ACTN4: variants seen among roughly 807,000 people sequenced by gnomAD.
ACTN4 encodes the protein actinin alpha 4.
Under a neutral mutation model 114.2 loss-of-function variants are expected in ACTN4, and 18 were observed. The ratio of observed to expected loss-of-function variants is 0.16; its 90% CI spans 0.11 to 0.23. The LOEUF (loss-of-function observed/expected upper bound fraction) is 0.23, where lower values mean the gene tolerates loss of function less well. Ranked by LOEUF, ACTN4 falls within the 10% of genes least tolerant of loss-of-function variation. The pLI, the probability that ACTN4 is intolerant of heterozygous loss-of-function variation, is 1.00. For synonymous variants in ACTN4, 515 were observed against 506.3 expected (o/e 1.02, Z -0.23); for missense variants, 722 against 1,262.9 (o/e 0.57, Z 6.49).
At chr19:38,664,697 G>A (rs188534522) in intron 1 of ACTN4, among the ~76,000 whole-genome samples, 176 of 152,252 alleles carry the variant, frequency 1.2e-3, no homozygotes, top group African/African-American at 4.0e-3. Context: ...AGAGGGCTGG[G>A]GGATATTAGC....
intron 12 of ACTN4, among the ~76,000 whole-genome samples, chr19:38,722,705 G>C (rs1011168713): frequency 3.3e-5 from 5 of 152,360 alleles, no homozygotes; most frequent in African/African-American, 9.6e-5. Flanking sequence ...AGCACCCTCG[G>C]GGGTGTGGGG....
chr19:38,681,612 C>T (rs1365160508), intron 1 of ACTN4, among the ~76,000 whole-genome samples: 1 of 152,208 alleles, frequency 6.6e-6, no homozygotes, highest in African/African-American at 2.4e-5. Flanking sequence ...TTTCAAGGCC[C>T]AGATCAGGTG....
At chr19:38,704,517 G>T (rs1968388166) in intron 3 of ACTN4, among the ~76,000 whole-genome samples, 2 of 152,268 alleles carry the variant, frequency 1.3e-5, no homozygotes, top group African/African-American at 2.4e-5. Flanking sequence ...TGCCCTGAGA[G>T]TGGGGGCCCG....
intron 1 of ACTN4, among the ~76,000 whole-genome samples, chr19:38,673,461 A>G (rs1433671390): frequency 1.2e-5 from 1 of 81,658 alleles, no homozygotes; most frequent in Non-Finnish European, 2.7e-5. Flanking sequence ...ATATTCATAT[A>G]TATTTATATA....
At chr19:38,710,393 C>T (rs768825399) in intron 8 of ACTN4, 51 bp downstream of exon 8, 1 of 1,580,470 alleles carries the variant, frequency 6.3e-7, no homozygotes, top group Non-Finnish European at 8.7e-7. Flanking sequence ...CGCAATGCCG[C>T]CGCTGCCTCT....
At chr19:38,681,247 G>C (rs1967565461) in intron 1 of ACTN4, among the ~76,000 whole-genome samples, 1 of 151,544 alleles carries the variant, frequency 6.6e-6, no homozygotes, top group Admixed American at 6.6e-5. Flanking sequence ...GGTATCTGAT[G>C]CACAGGAAAT....
intron 1 of ACTN4, among the ~76,000 whole-genome samples, chr19:38,674,027 G>A (rs761237407): frequency 4.7e-4 from 72 of 151,640 alleles, no homozygotes; most frequent in Non-Finnish European, 4.3e-4. Context: ...TGATCTACCC[G>A]CCTCGGCCTC....
Position 38,721,696 on chromosome 19 carries a change from C to T in ACTN4, c.1442+8C>T, listed in dbSNP as rs775016919. 2.0e-5 allele frequency: 32 copies of T among 1,611,700 alleles called. No individual in the cohort carries two copies. Among genetic ancestry groups the T allele is most frequent in the East Asian group, 4.5e-5 (2 of 44,898 alleles). On this transcript the variant is annotated splice_region_variant and intron_variant, in intron 12 of 20. Transcript: ENST00000252699. ...CATTGCCCAGGAGCTCAAGTACGTG[C>T]GGGCTCAGGACACTATCATCACCTG...
intron 1 of ACTN4, among the ~76,000 whole-genome samples, chr19:38,666,053 C>T (rs1037998862): frequency 6.6e-6 from 1 of 152,098 alleles, no homozygotes; most frequent in Non-Finnish European, 1.5e-5. Context: ...GCCCAGCTGC[C>T]GACCTGGAAC....
intron 11 of ACTN4, among the ~76,000 whole-genome samples, chr19:38,721,232 G>A (rs1032163989): frequency 1.3e-5 from 2 of 152,210 alleles, no homozygotes; most frequent in Non-Finnish European, 1.5e-5. Flanking sequence ...TGCTACCACG[G>A]CCCGATTTGT....
intron 1 of ACTN4, among the ~76,000 whole-genome samples, chr19:38,673,707 A>ATTTATATATATTATATATATTTATATT (rs1967272567): frequency 1.2e-5 from 1 of 83,940 alleles, no homozygotes; most frequent in East Asian, 2.8e-4. Context: ...ATATTTATAT[A>ATTTATATATATTATATATATTTATATT]TTTATATATT....
Position 38,730,012 on chromosome 19 carries a change from C to T in ACTN4, c.*580C>T, listed in dbSNP as rs935484310. The T allele has an allele frequency of 3.0e-5, 8 of 265,188 alleles. No individual in the cohort carries two copies. The highest frequency in any genetic ancestry group is 1.6e-4 in the African/African-American group (7 of 44,102). 16.4% of individuals were successfully genotyped at this position (265,188 alleles called of 1,614,324 possible). A position where few individuals can be genotyped will look rare whatever the true frequency, so the allele number is the denominator to read the frequency against. On this transcript the variant is annotated 3_prime_UTR_variant, in exon 21 of 21. Transcript: ENST00000252699. ...AGAGGAGCTGAGTTGGCAGACCGGG[C>T]CCCCCTGAACCGCACCCCATCCCAC...
chr19:38,658,662 T>C (rs939166906), intron 1 of ACTN4, among the ~76,000 whole-genome samples: 1 of 152,228 alleles, frequency 6.6e-6, no homozygotes, highest in Non-Finnish European at 1.5e-5. Flanking sequence ...TACAGTCAGT[T>C]TCAAAATTCA....
At chr19:38,695,674 T>C (rs1599812353) in intron 1 of ACTN4, among the ~76,000 whole-genome samples, 1 of 152,104 alleles carries the variant, frequency 6.6e-6, no homozygotes, top group East Asian at 1.9e-4. Context: ...CTTCTCGGAG[T>C]GGGCTCTGTC....
chr19:38,647,657 T>G lies in ACTN4; in HGVS notation c.-89T>G, dbSNP rs1280367012. On this transcript the variant is annotated 5_prime_UTR_variant, in exon 1 of 21. Coordinates refer to ENST00000252699, the MANE Select transcript of ACTN4 (RefSeq NM_004924.6). ...CGGGCGGAGGGCGGGCTGAAGCAGCTGAAGCGGCGGTAGCGGCGGCGGCTC... is the reference window on the plus strand; with the variant it reads ...CGGGCGGAGGGCGGGCTGAAGCAGCGGAAGCGGCGGTAGCGGCGGCGGCTC... 2 of 1,466,194 alleles carry G rather than the reference T, an allele frequency of 1.4e-6. No homozygotes were observed. Among genetic ancestry groups the G allele is most frequent in the Non-Finnish European group, 1.8e-6 (2 of 1,106,690 alleles). 90.8% of individuals were successfully genotyped at this position (1,466,194 alleles called of 1,614,324 possible).
intron 1 of ACTN4, among the ~76,000 whole-genome samples, chr19:38,697,248 G>A (rs1446571335): frequency 6.6e-6 from 1 of 152,200 alleles, no homozygotes; most frequent in East Asian, 1.9e-4. Flanking sequence ...CACAGGGTGG[G>A]GTGGGGCCAT....
At chr19:38,687,059 G>A (rs1202092300) in intron 1 of ACTN4, among the ~76,000 whole-genome samples, 1 of 151,854 alleles carries the variant, frequency 6.6e-6, no homozygotes, top group Non-Finnish European at 1.5e-5. Context: ...CGCCTCCTGG[G>A]CTCAAGCGAT....
chr19:38,688,872 A>G (rs561061406), intron 1 of ACTN4, among the ~76,000 whole-genome samples: 2 of 152,322 alleles, frequency 1.3e-5, no homozygotes, highest in South Asian at 4.1e-4. Flanking sequence ...AATGTGGTGC[A>G]GCTTCTTGGG....
At chr19:38,662,856 C>A (rs1232295592) in intron 1 of ACTN4, among the ~76,000 whole-genome samples, 1 of 151,046 alleles carries the variant, frequency 6.6e-6, no homozygotes, top group Non-Finnish European at 1.5e-5. Context: ...TGAAAGACTC[C>A]AGCAGTCACC....
Sources: gnomAD v4.1 joint callset for allele counts (sites outside exome capture counted in the v4.1 genomes callset) on GRCh38, gnomAD v4.1.1 for gene constraint, MANE v1.5 for transcripts, NCBI Gene and HGNC (gene_info 2026-07-23, HGNC 2026-07-21) for gene names.